Variants in MNAT1 observed in about 807,000 individuals in gnomAD.
MNAT1 encodes CDK-activating kinase assembly factor MAT1.
MNAT1 carries 43 observed loss-of-function variants against 42.0 expected under a neutral mutation model. The observed-to-expected ratio is 1.02, with a 90% CI of 0.80 to 1.32. The LOEUF (loss-of-function observed/expected upper bound fraction) is 1.32, where lower values mean the gene tolerates loss of function less well. MNAT1 is among the 40% of genes most tolerant of loss of function. The probability of loss-of-function intolerance (pLI) is 0.00; values close to 1 mark genes in which losing one functional copy is unlikely to be tolerated. For synonymous variants in MNAT1, 118 were observed against 120.0 expected, an observed-to-expected ratio of 0.98 and a Z score of 0.11; for missense variants, 306 against 350.4, an observed-to-expected ratio of 0.87 and a Z score of 1.01.
intron 1 of MNAT1, among the ~76,000 whole-genome samples, chr14:60,744,299 T>G (rs903617082): frequency 2.6e-5 from 4 of 152,180 alleles, no homozygotes; most frequent in Non-Finnish European, 5.9e-5. Context: ...GCCTGGCTAA[T>G]TTTTGTATTT....
chr14:60,825,577 A>G (rs2033033110), intron 6 of MNAT1, among the ~76,000 whole-genome samples: 1 of 152,158 alleles, frequency 6.6e-6, no homozygotes, highest in Admixed American at 6.5e-5. Flanking sequence ...TATAATAAGT[A>G]TTACTTTCTG....
At chr14:60,935,995 A>G (rs565853272) in intron 7 of MNAT1, among the ~76,000 whole-genome samples, 1 of 152,282 alleles carries the variant, frequency 6.6e-6, no homozygotes, top group African/African-American at 2.4e-5. Context: ...GCACAGTGAG[A>G]TGGACTCCTG....
intron 1 of MNAT1, among the ~76,000 whole-genome samples, chr14:60,773,435 A>G (rs929632100): frequency 6.6e-6 from 1 of 152,146 alleles, no homozygotes; most frequent in Non-Finnish European, 1.5e-5. Flanking sequence ...ATGGAATAAT[A>G]TATTTGGGGA....
intron 6 of MNAT1, among the ~76,000 whole-genome samples, chr14:60,851,689 T>C (rs2033823787): frequency 6.6e-6 from 1 of 152,092 alleles, no homozygotes; most frequent in South Asian, 2.1e-4. Flanking sequence ...GTCTTAATGC[T>C]CTCCTTCCCC....
At chr14:60,784,201 T>TTTTTTTTC (rs1435948099) in intron 1 of MNAT1, among the ~76,000 whole-genome samples, 1 of 143,868 alleles carries the variant, frequency 7.0e-6, no homozygotes, top group African/African-American at 2.6e-5. Context: ...TTTTTTTTTT[T>TTTTTTTTC]TTAGTAGAGG....
At chr14:60,818,968 GT>G in intron 6 of MNAT1, 121 bp downstream of exon 6, 10 of 1,118,344 alleles carry the variant, frequency 8.9e-6, no homozygotes, top group Non-Finnish European at 1.2e-5. Context: ...GTCTGATCTA[GT>G]TTTAGGTGTC....
chr14:60,858,419 G>GTT (rs751077464), intron 6 of MNAT1, among the ~76,000 whole-genome samples: 18 of 140,540 alleles, frequency 1.3e-4, no homozygotes, highest in Admixed American at 3.5e-4. Context: ...TTTTGATGGG[G>GTT]TTTTTTTTTT....
intron 7 of MNAT1, among the ~76,000 whole-genome samples, chr14:60,930,206 T>A (rs1017308488): frequency 2.2e-5 from 3 of 138,750 alleles, no homozygotes; most frequent in Admixed American, 1.5e-4. Flanking sequence ...TTCTTCCGTC[T>A]TTATTATTAT....
At chr14:60,916,907 C>T (rs2035529562) in intron 7 of MNAT1, among the ~76,000 whole-genome samples, 1 of 152,096 alleles carries the variant, frequency 6.6e-6, no homozygotes, top group Non-Finnish European at 1.5e-5. Context: ...GAGCTGAAAT[C>T]CTGCCACTGC....
intron 6 of MNAT1, among the ~76,000 whole-genome samples, chr14:60,877,434 A>G (rs1481158703): frequency 1.3e-5 from 2 of 152,082 alleles, no homozygotes; most frequent in Admixed American, 6.6e-5. Context: ...CACTGCTACA[A>G]TTGTATTTTA....
At chr14:60,954,176 C>T (rs182365759) in intron 7 of MNAT1, among the ~76,000 whole-genome samples, 34 of 152,096 alleles carry the variant, frequency 2.2e-4, no homozygotes, top group Non-Finnish European at 2.4e-4. Context: ...CTTTATTTGC[C>T]TATTCAAGGT....
At chr14:60,876,018 C>T (rs1594823475) in intron 6 of MNAT1, among the ~76,000 whole-genome samples, 5 of 151,964 alleles carry the variant, frequency 3.3e-5, no homozygotes, top group Non-Finnish European at 7.4e-5. Flanking sequence ...TACTCCTCTC[C>T]CCTCCCTTTT....
rs201631440 is a variant in MNAT1 at position 60,734,848 on chromosome 14, A to G, written c.-15A>G. 6.2e-7 allele frequency: 1 copy of G among 1,613,636 alleles called. No individual in the cohort carries two copies. The highest frequency in any genetic ancestry group is 1.3e-5 in the African/African-American group (1 of 75,008). ...GAAACAGGCGCCTGCGAGAGTCTGTAGGAGGGAAACCGCCATGGACGATCA... is the reference window on the plus strand; with the variant it reads ...GAAACAGGCGCCTGCGAGAGTCTGTGGGAGGGAAACCGCCATGGACGATCA... On this transcript the variant is annotated 5_prime_UTR_variant, in exon 1 of 8. Coordinates refer to ENST00000261245, the MANE Select transcript of MNAT1 (RefSeq NM_002431.4). This position sits in a 1 kb window ranked among gnomAD's most constrained non-coding sequence, Gnocchi z 4.3.
At chr14:60,846,118 CCCT>C (rs2033675965) in intron 6 of MNAT1, among the ~76,000 whole-genome samples, 1 of 151,880 alleles carries the variant, frequency 6.6e-6, no homozygotes, top group Admixed American at 6.6e-5. Context: ...TCTTTTCCCT[CCCT>C]CTCTTCCTTT....
chr14:60,927,680 C>T (rs757597028), intron 7 of MNAT1, among the ~76,000 whole-genome samples: 2 of 152,142 alleles, frequency 1.3e-5, no homozygotes, highest in Non-Finnish European at 2.9e-5. Context: ...ATTCTTCCCA[C>T]CTTGAGACAT....
At chr14:60,815,716 C>T (rs2032693499) in intron 5 of MNAT1, among the ~76,000 whole-genome samples, 1 of 152,168 alleles carries the variant, frequency 6.6e-6, no homozygotes, top group South Asian at 2.1e-4. Flanking sequence ...GTCATTACTG[C>T]ACATACTTTC....
At chr14:60,747,263 C>T (rs891123269) in intron 1 of MNAT1, among the ~76,000 whole-genome samples, 17 of 151,904 alleles carry the variant, frequency 1.1e-4, no homozygotes, top group Admixed American at 5.3e-4. Context: ...GGATTACAGG[C>T]GTGAGCCAAT....
chr14:60,918,735 A>AATATATATATATATATATATAT (rs140364759), intron 7 of MNAT1, among the ~76,000 whole-genome samples: 1 of 18,426 alleles, frequency 5.4e-5, no homozygotes, highest in Non-Finnish European at 6.0e-4. Flanking sequence ...TCCAGATGAG[A>AATATATATATATATATATATAT]ATATATATAT....
intron 3 of MNAT1, among the ~76,000 whole-genome samples, chr14:60,798,767 A>C (rs2032103466): frequency 6.6e-6 from 1 of 152,152 alleles, no homozygotes; most frequent in Non-Finnish European, 1.5e-5. Context: ...AAACTTTGGA[A>C]GTTGTTATAT....
Sources: gnomAD v4.1 joint callset for allele counts (sites outside exome capture counted in the v4.1 genomes callset) on GRCh38, gnomAD v4.1.1 for gene constraint, Gnocchi (gnomAD v3.1) non-coding constraint, MANE v1.5 for transcripts, NCBI Gene and HGNC (gene_info 2026-07-23, HGNC 2026-07-21) for gene names.